Variants in ZNF423 observed in about 807,000 individuals in gnomAD.
ZNF423 encodes the protein zinc finger protein 423.
Under a neutral mutation model 95.8 loss-of-function variants are expected in ZNF423, and 12 were observed. That is an observed-to-expected ratio of 0.13 (90% confidence interval 0.08 to 0.20). The LOEUF is 0.20. Among genes scored for constraint, ZNF423 ranks in the 10% least tolerant of loss-of-function variants. ZNF423 has a pLI of 1.00. For synonymous variants in ZNF423, 749 were observed against 711.9 expected (o/e 1.05, Z -0.83); for missense variants, 1,316 against 1,737.1 (o/e 0.76, Z 4.31).
chr16:49,842,326 G>T (rs1391881875), intron 1 of ZNF423, among the ~76,000 whole-genome samples: 1 of 95,196 alleles, frequency 1.1e-5, no homozygotes. Context: ...GGGAAGGGAA[G>T]GGAAGGGAAG....
At chr16:49,564,307 T>G (rs201999398) in intron 5 of ZNF423, among the ~76,000 whole-genome samples, 1 of 150,708 alleles carries the variant, frequency 6.6e-6, no homozygotes, top group East Asian at 1.9e-4. Context: ...ATTGCAAAAA[T>G]AAGTACATAT....
chr16:49,588,958 C>T (rs1432426945), intron 5 of ZNF423, among the ~76,000 whole-genome samples: 3 of 152,222 alleles, frequency 2.0e-5, no homozygotes, highest in African/African-American at 7.2e-5. Flanking sequence ...CTGTGAAGTG[C>T]ATGACTTCAA....
intron 5 of ZNF423, among the ~76,000 whole-genome samples, chr16:49,580,641 C>A (rs376112795): frequency 6.6e-6 from 1 of 152,184 alleles, no homozygotes; most frequent in Non-Finnish European, 1.5e-5. Flanking sequence ...TGATGCATAT[C>A]AATCTTCCTT....
intron 3 of ZNF423, among the ~76,000 whole-genome samples, chr16:49,682,805 C>CT (rs1286837654): frequency 3.3e-5 from 5 of 152,196 alleles, no homozygotes; most frequent in Non-Finnish European, 7.3e-5. Flanking sequence ...CCAAAGAACT[C>CT]AATAAACAGC....
chr16:49,773,997 G>A (rs2034079148), intron 2 of ZNF423, among the ~76,000 whole-genome samples: 1 of 152,164 alleles, frequency 6.6e-6, no homozygotes, highest in Admixed American at 6.5e-5. Context: ...ACATGCACGA[G>A]CTCAAGGGCA....
chr16:49,797,779 G>A (rs921348428), intron 1 of ZNF423, among the ~76,000 whole-genome samples: 13 of 152,210 alleles, frequency 8.5e-5, no homozygotes, highest in East Asian at 5.8e-4. Context: ...AGGTAAGATC[G>A]CCTGCCATTA....
intron 3 of ZNF423, among the ~76,000 whole-genome samples, chr16:49,644,658 C>CAAAAAAAA (rs56066766): frequency 2.3e-4 from 9 of 39,580 alleles, no homozygotes; most frequent in Non-Finnish European, 3.9e-4. Context: ...AACTCTGACT[C>CAAAAAAAA]AAAAAAAAAA....
chr16:49,665,509 G>T (rs1376504301), intron 3 of ZNF423, among the ~76,000 whole-genome samples: 3 of 152,194 alleles, frequency 2.0e-5, no homozygotes, highest in African/African-American at 7.2e-5. Flanking sequence ...GCAGGATGAA[G>T]AATTCACCAA....
intron 3 of ZNF423, among the ~76,000 whole-genome samples, chr16:49,705,796 C>G (rs1208047032): frequency 6.6e-6 from 1 of 152,208 alleles, no homozygotes. Context: ...GACCCACCCA[C>G]CTTGGCCTCC....
intron 3 of ZNF423, among the ~76,000 whole-genome samples, chr16:49,671,819 G>A (rs2030826016): frequency 6.6e-6 from 1 of 152,046 alleles, no homozygotes; most frequent in South Asian, 2.1e-4. Flanking sequence ...TGAGTAGCTG[G>A]GATTACAGGC....
intron 3 of ZNF423, among the ~76,000 whole-genome samples, chr16:49,727,901 C>T (rs1378690740): frequency 6.6e-6 from 1 of 152,188 alleles, no homozygotes; most frequent in Non-Finnish European, 1.5e-5. Context: ...TCCAGCAGAC[C>T]CATCAGCCTG....
intron 4 of ZNF423, among the ~76,000 whole-genome samples, chr16:49,634,682 C>T (rs1314150600): frequency 2.6e-5 from 4 of 152,204 alleles, no homozygotes; most frequent in Non-Finnish European, 4.4e-5. Context: ...AAATATACTC[C>T]TGAGATCCGC....
intron 1 of ZNF423, among the ~76,000 whole-genome samples, chr16:49,846,386 T>C (rs948112672): frequency 2.0e-5 from 3 of 151,318 alleles, no homozygotes; most frequent in African/African-American, 4.9e-5. Context: ...CCAGGCTGGA[T>C]GAAACCAAGG....
chr16:49,760,951 T>C (rs1020028612), intron 2 of ZNF423, among the ~76,000 whole-genome samples: 3 of 147,554 alleles, frequency 2.0e-5, no homozygotes, highest in Non-Finnish European at 3.0e-5. Flanking sequence ...CACACACGCA[T>C]ACATGCATGC....
At chr16:49,516,961 G>C (rs1968173412) in intron 7 of ZNF423, among the ~76,000 whole-genome samples, 1 of 152,190 alleles carries the variant, frequency 6.6e-6, no homozygotes, top group African/African-American at 2.4e-5. Context: ...TCTCTGTTGA[G>C]CTACCTAGGG....
At chr16:49,545,105 A>G (rs537210874) in intron 5 of ZNF423, among the ~76,000 whole-genome samples, 1 of 152,354 alleles carries the variant, frequency 6.6e-6, no homozygotes, top group African/African-American at 2.4e-5. Context: ...ACCGAAATGC[A>G]ACTCTTAACC....
intron 3 of ZNF423, among the ~76,000 whole-genome samples, chr16:49,713,405 C>T (rs2032604946): frequency 6.6e-6 from 1 of 152,218 alleles, no homozygotes; most frequent in South Asian, 2.1e-4. Context: ...TCCATTCCTG[C>T]TCTGTGTTCC....
intron 3 of ZNF423, among the ~76,000 whole-genome samples, chr16:49,676,820 G>A (rs1465791723): frequency 6.6e-6 from 1 of 152,246 alleles, no homozygotes; most frequent in Non-Finnish European, 1.5e-5. Flanking sequence ...GAGAAGGAGG[G>A]TTTAGAAAGG....
rs768891986 is a variant in ZNF423, at chr16:49,523,610, A to C, written c.3849+14T>G. 1 of 1,608,112 alleles carries C rather than the reference A, an allele frequency of 6.2e-7. No homozygotes were observed. On this transcript the variant is annotated intron_variant, in intron 7 of 7. Transcript: ENST00000563137. ...ACCATCAGGCGGCGTGGTGCAGCGG[A>C]TGTGGGCACCCACCTGCAGCTCGGT...
Sources: allele counts gnomAD v4.1 joint callset (sites outside exome capture counted in the v4.1 genomes callset), GRCh38; gene constraint gnomAD v4.1.1; transcripts MANE v1.5; gene names NCBI Gene and HGNC (gene_info 2026-07-23, HGNC 2026-07-21).